Variants in ARFGEF1 observed in about 807,000 individuals in gnomAD.
ARFGEF1 encodes brefeldin A-inhibited guanine nucleotide-exchange protein 1.
ARFGEF1 carries 42 observed loss-of-function variants against 231.0 expected under a neutral mutation model. That is an observed-to-expected ratio of 0.18 (90% CI 0.14 to 0.24). ARFGEF1 has a LOEUF of 0.24. Among genes scored for constraint, ARFGEF1 ranks in the 10% least tolerant of loss-of-function variants. The probability of loss-of-function intolerance (pLI) is 1.00; values close to 1 mark genes in which losing one functional copy is unlikely to be tolerated. For missense variants in ARFGEF1, 1,345 were observed against 2,192.0 expected, an observed-to-expected ratio of 0.61 and a Z score of 7.72; for synonymous variants, 710 against 732.3, an observed-to-expected ratio of 0.97 and a Z score of 0.49.
At chr8:67,325,270 TACTTAA>T (rs1587322715) in intron 1 of ARFGEF1, among the ~76,000 whole-genome samples, 1 of 152,058 alleles carries the variant, frequency 6.6e-6, no homozygotes, top group Admixed American at 6.6e-5. Context: ...ATACCCCATA[TACTTAA>T]ACTATCATCA....
intron 5 of ARFGEF1, among the ~76,000 whole-genome samples, chr8:67,183,222 C>A (rs1323856908): frequency 1.3e-5 from 2 of 152,130 alleles, no homozygotes; most frequent in Non-Finnish European, 2.9e-5. Context: ...TTTTTAACAC[C>A]TCTCTATCAG....
At chr8:67,243,271 G>T (rs151189122) in intron 19 of ARFGEF1, among the ~76,000 whole-genome samples, 52 of 152,260 alleles carry the variant, frequency 3.4e-4, no homozygotes, top group African/African-American at 1.2e-3. Flanking sequence ...TGCTAATAAA[G>T]ACATACCCAA....
At chr8:67,195,868 T>C (rs1837840438), downstream of ARFGEF1, 3 of 331,428 alleles carry the variant, frequency 9.1e-6, no homozygotes, top group Admixed American at 4.5e-5. Context: ...GTGCATTATA[T>C]TGAATTCTGC....
chr8:67,219,747 G>A (rs998448646), intron 29 of ARFGEF1, among the ~76,000 whole-genome samples, 187 bp from the exon 30 acceptor site: 6 of 151,508 alleles, frequency 4.0e-5, no homozygotes, highest in African/African-American at 9.8e-5. Context: ...TACATCATTC[G>A]GGAAAAAAAA....
intron 34 of ARFGEF1, among the ~76,000 whole-genome samples, chr8:67,208,982 G>T (rs547313757): frequency 6.6e-6 from 1 of 152,216 alleles, no homozygotes; most frequent in Non-Finnish European, 1.5e-5. Flanking sequence ...TGGAATTGCT[G>T]GTGGGAATGT....
Position 67,294,125 on chromosome 8 carries a change from G to A in ARFGEF1, c.640-2002C>T, listed in dbSNP as rs530693902. Among the ~76,000 whole-genome samples the A allele has an allele frequency of 7.2e-5, 11 of 152,054 alleles. No homozygotes were observed. In the South Asian group the frequency reaches 2.3e-3, roughly 32 times the overall value. On this transcript the variant is annotated intron_variant, in intron 5 of 38. Transcript: ENST00000262215. ...ATACAGTATAACAACTATTTACAAA[G>A]TATTAGGTATTATAAGTAATGTAGA...
intron 23 of ARFGEF1, among the ~76,000 whole-genome samples, chr8:67,229,915 GAT>G (rs1322387930): frequency 6.6e-6 from 1 of 152,068 alleles, no homozygotes; most frequent in Admixed American, 6.6e-5. Context: ...CAAAAGCAGA[GAT>G]AGAACCACAG....
intron 7 of ARFGEF1, among the ~76,000 whole-genome samples, chr8:67,284,809 C>G (rs1805683498): frequency 6.6e-6 from 1 of 152,088 alleles, no homozygotes; most frequent in South Asian, 2.1e-4. Context: ...ATCTTGTAAC[C>G]AATTCTTGGT....
chr8:67,203,458 A>G (rs755801346), intron 35 of ARFGEF1, among the ~76,000 whole-genome samples: 14 of 151,184 alleles, frequency 9.3e-5, no homozygotes, highest in Non-Finnish European at 2.9e-5. Context: ...ACCCTCCTGG[A>G]CTCCCAACTC....
chr8:67,320,470 T>C (rs183214733), intron 1 of ARFGEF1, among the ~76,000 whole-genome samples: 2 of 152,174 alleles, frequency 1.3e-5, no homozygotes, highest in Admixed American at 6.5e-5. Flanking sequence ...GTTAAACATA[T>C]ACTTACCATA....
intron 37 of ARFGEF1, among the ~76,000 whole-genome samples, chr8:67,200,820 T>C (rs986135059): frequency 2.0e-5 from 3 of 152,178 alleles, no homozygotes; most frequent in African/African-American, 7.2e-5. Flanking sequence ...TCAAGAGACC[T>C]GGACTGGAAT....
chr8:67,299,915 G>A (rs1387145767), intron 3 of ARFGEF1, among the ~76,000 whole-genome samples: 3 of 152,128 alleles, frequency 2.0e-5, no homozygotes, highest in African/African-American at 4.8e-5. Flanking sequence ...GTTGCAGTAA[G>A]CCAAGCCTGC....
intron 36 of ARFGEF1, chr8:67,201,926 C>T (rs1290654726): frequency 6.3e-6 from 2 of 315,670 alleles, no homozygotes; most frequent in South Asian, 2.8e-5. Flanking sequence ...AGGGGCAACC[C>T]CCAGGAGGTG....
chr8:67,217,666 T>TA, intron 32 of ARFGEF1, 116 bp downstream of exon 32: 1 of 1,133,862 alleles, frequency 8.8e-7, no homozygotes, highest in Non-Finnish European at 1.2e-6. Context: ...AAGACAAGCT[T>TA]AAAAGGATTT....
chr8:67,340,412 T>A (rs969785657), intron 1 of ARFGEF1, among the ~76,000 whole-genome samples: 2 of 152,196 alleles, frequency 1.3e-5, no homozygotes, highest in African/African-American at 4.8e-5. Flanking sequence ...TGCTTTCCCA[T>A]CCTGCTTAAT....
intron 1 of ARFGEF1, among the ~76,000 whole-genome samples, chr8:67,316,403 A>G (rs972070273): frequency 1.3e-5 from 2 of 152,182 alleles, no homozygotes; most frequent in Non-Finnish European, 2.9e-5. Context: ...GGGATAAAAC[A>G]CATCTCAGTT....
intron 1 of ARFGEF1, among the ~76,000 whole-genome samples, chr8:67,337,353 C>G (rs1185870817): frequency 1.3e-5 from 2 of 152,124 alleles, no homozygotes; most frequent in Non-Finnish European, 1.5e-5. Flanking sequence ...TTCCTCTACC[C>G]TGAAGCTCTG....
intron 1 of ARFGEF1, among the ~76,000 whole-genome samples, chr8:67,310,772 G>T (rs1264516454): frequency 1.3e-5 from 2 of 150,818 alleles, no homozygotes; most frequent in Non-Finnish European, 3.0e-5. Context: ...GGTGAGGAGC[G>T]TCTCTGCCCG....
At chr8:67,258,695 C>T (rs546135401) in intron 15 of ARFGEF1, among the ~76,000 whole-genome samples, 4 of 152,230 alleles carry the variant, frequency 2.6e-5, no homozygotes, top group African/African-American at 7.2e-5. Flanking sequence ...TTGTTAAGAT[C>T]CGCAGACTTT....
Sources: allele counts gnomAD v4.1 joint callset (sites outside exome capture counted in the v4.1 genomes callset), GRCh38; gene constraint gnomAD v4.1.1; transcripts MANE v1.5; gene names NCBI Gene and HGNC (gene_info 2026-07-23, HGNC 2026-07-21).